PFDN4: variants seen among roughly 807,000 people sequenced by gnomAD.
PFDN4 encodes the protein prefoldin 4.
In PFDN4, 6 loss-of-function variants were observed where a neutral mutation model predicts 17.6. The observed-to-expected ratio is 0.34, with a 90% CI of 0.19 to 0.67. The LOEUF is 0.67. Among genes scored for constraint, PFDN4 ranks in the 30% least tolerant of loss-of-function variants. The probability of loss-of-function intolerance (pLI) is 0.68; values close to 1 mark genes in which losing one functional copy is unlikely to be tolerated. For synonymous variants in PFDN4, 48 were observed against 51.1 expected (o/e 0.94, Z 0.26); for missense variants, 119 against 158.4 (o/e 0.75, Z 1.33).
chr20:54,213,409 T>TCA (rs1200435456), intron 1 of PFDN4, among the ~76,000 whole-genome samples: 2 of 151,664 alleles, frequency 1.3e-5, no homozygotes, highest in Non-Finnish European at 2.9e-5. Context: ...GTGTACACAC[T>TCA]CACACACACA....
chr20:54,210,203 G>A (rs1035969420), intron 1 of PFDN4, among the ~76,000 whole-genome samples: 1 of 152,212 alleles, frequency 6.6e-6, no homozygotes, highest in African/African-American at 2.4e-5. Context: ...TTTGAGCCAT[G>A]ATGGGAAAAG....
At chr20:54,208,185 C>T (rs1414290277) in intron 1 of PFDN4, 61 bp downstream of exon 1, 15 of 1,457,140 alleles carry the variant, frequency 1.0e-5, no homozygotes, top group Admixed American at 2.3e-5. Flanking sequence ...CCGCTGGGGC[C>T]CGGGCGCGGG....
rs770490881 is a variant in PFDN4 at position 54,214,409 on chromosome 20, G to A, written c.83G>A (p.Arg28Gln). The A allele has an allele frequency of 3.1e-5, 50 of 1,588,220 alleles. No individual in the cohort carries two copies. The highest frequency in any genetic ancestry group is 2.1e-4 in the Middle Eastern group (1 of 4,778). Residue 28 changes from arginine (R) to glutamine (Q), a missense_variant, in exon 2 of 4, where the codon CGG becomes CAG. Arg to Gln is a conservative substitution (Grantham distance 43, BLOSUM62 1). Around this residue, in one of 3 missense-constraint regions of PFDN4, gnomAD observed 9 missense variants for 27.8 expected, o/e 0.32. Coordinates refer to ENST00000371419, the MANE Select transcript of PFDN4 (RefSeq NM_002623.4). ...EDQQKINKFARNTSRITELKE... is the reference protein window; with the variant it reads ...EDQQKINKFAQNTSRITELKE... The stretch of plus-strand genomic sequence containing the variant: ...CAACAAAAGATAAACAAATTTGCAC[G>A]GAATACAAGTAGAATCACAGAGCTG...
chr20:54,211,958 C>T (rs913729956), intron 1 of PFDN4, among the ~76,000 whole-genome samples: 5 of 152,136 alleles, frequency 3.3e-5, no homozygotes, highest in East Asian at 1.9e-4. Context: ...TTTGGGAGGC[C>T]GAGGCTGGTG....
In PFDN4 at chr20:54,208,090, C is replaced by T. The variant is rs756319326; in HGVS notation, c.-11C>T. On this transcript the variant is annotated 5_prime_UTR_variant, in exon 1 of 4. Transcript: ENST00000371419. Reference sequence around the variant, plus strand: ...GGCCCTCCCCGCCGCCTGCGGTAGTCCAGTCCCAAGATGGCGGCCACCATG... The same window carrying T: ...GGCCCTCCCCGCCGCCTGCGGTAGTTCAGTCCCAAGATGGCGGCCACCATG... 3.2e-6 allele frequency: 5 copies of T among 1,552,682 alleles called. No homozygotes were observed. In the Admixed American group the frequency reaches 9.6e-5, roughly 30 times the overall value.
intron 1 of PFDN4, among the ~76,000 whole-genome samples, chr20:54,213,342 C>T (rs1203480815): frequency 6.6e-6 from 1 of 152,172 alleles, no homozygotes; most frequent in East Asian, 1.9e-4. Flanking sequence ...ATGGTACCTC[C>T]TTGAGAATCT....
At position 54,215,397 on chromosome 20, in the gene PFDN4, G is replaced by A. The variant is rs1568676832; in HGVS notation, c.230G>A (p.Ser77Asn). The change falls in exon 3 of 4, where the codon AGC becomes AAC. Residue 77 changes from serine to asparagine, a missense_variant. Physicochemically the swap from Ser to Asn is conservative, Grantham distance 46. This residue lies in a region of PFDN4 where 81 missense variants were observed against 111.7 expected (regional missense o/e 0.73). Coordinates refer to ENST00000371419, the MANE Select transcript of PFDN4 (RefSeq NM_002623.4). ...TATCAAATTGGTGATGTCTTCATTA[G>A]CCATTCTCAAGAAGAAACGCAAGAA... ...IPYQIGDVFISHSQEETQEML... is the reference protein window; with the variant it reads ...IPYQIGDVFINHSQEETQEML... 1 of 1,604,776 alleles carries A rather than the reference G, an allele frequency of 6.2e-7. No homozygotes were observed. The highest frequency in any genetic ancestry group is 2.2e-5 in the East Asian group (1 of 44,716).
chr20:54,211,484 A>T (rs2092755762), intron 1 of PFDN4, among the ~76,000 whole-genome samples: 1 of 152,228 alleles, frequency 6.6e-6, no homozygotes, highest in Non-Finnish European at 1.5e-5. Context: ...TGACTCCATC[A>T]TCAGGCTTTC....
chr20:54,208,182 G>A (rs1601171990), intron 1 of PFDN4, 58 bp downstream of exon 1: 1 of 1,467,048 alleles, frequency 6.8e-7, no homozygotes, highest in African/African-American at 1.5e-5. Flanking sequence ...CGGCCGCTGG[G>A]GCCCGGGCGC....
Position 54,219,280 on chromosome 20 carries a change from T to C in PFDN4, c.*130T>C, listed in dbSNP as rs907444298. 23 of 574,206 alleles carry C rather than the reference T, an allele frequency of 4.0e-5. No homozygotes were observed. In the African/African-American group the frequency reaches 4.3e-4, roughly 11 times the overall value. The allele number at this position is 574,206 out of a possible 1,614,324, so 35.6% of individuals were successfully genotyped here. A position where few individuals can be genotyped will look rare whatever the true frequency, so the allele number is the denominator to read the frequency against. On this transcript the variant is annotated 3_prime_UTR_variant, in exon 4 of 4. Coordinates refer to ENST00000371419, the MANE Select transcript of PFDN4 (RefSeq NM_002623.4). The stretch of plus-strand genomic sequence containing the variant: ...AAATTTTCATTTATTTAATGGAAAC[T>C]TGCCCATTTTCACATGTCTGCTTAT...
rs1370138464 is a variant in PFDN4, at chr20:54,219,061, G to A, written c.316G>A (p.Glu106Lys). ...EEIDALESRV[E>K]SIQRVLADLK... ...AATTGACGCCTTAGAATCCAGAGTG[G>A]AATCAATTCAGCGAGTGTTAGCAGA... Residue 106 changes from glutamate to lysine, a missense_variant, in exon 4 of 4, where the codon GAA becomes AAA. Coordinates refer to ENST00000371419, the MANE Select transcript of PFDN4 (RefSeq NM_002623.4). The A allele has an allele frequency of 5.7e-6, 9 of 1,583,444 alleles. No individual in the cohort carries two copies. The highest frequency in any genetic ancestry group is 7.7e-6 in the Non-Finnish European group (9 of 1,162,788).
At chr20:54,211,674 A>G (rs1477868383) in intron 1 of PFDN4, among the ~76,000 whole-genome samples, 2 of 152,158 alleles carry the variant, frequency 1.3e-5, no homozygotes, top group Non-Finnish European at 2.9e-5. Flanking sequence ...ACTATAGGAT[A>G]TGAGTTCTTC....
intron 1 of PFDN4, among the ~76,000 whole-genome samples, chr20:54,212,588 T>C (rs767951998): frequency 6.6e-6 from 1 of 152,258 alleles, no homozygotes; most frequent in Non-Finnish European, 1.5e-5. Flanking sequence ...TCAGAAACCA[T>C]GTATTAGCCT....
At chr20:54,211,781 T>A (rs76732107) in intron 1 of PFDN4, among the ~76,000 whole-genome samples, 3,971 of 152,300 alleles carry the variant, frequency 0.026, 88 homozygotes, top group Non-Finnish European at 0.038. Flanking sequence ...GAGAATCTGG[T>A]GAAAGCTATG....
chr20:54,211,294 A>T (rs920533151), intron 1 of PFDN4, among the ~76,000 whole-genome samples: 3 of 152,148 alleles, frequency 2.0e-5, no homozygotes, highest in Admixed American at 2.0e-4. Flanking sequence ...TCCTCCTCTA[A>T]TCCCGTAAGA....
rs6013929 is a variant in PFDN4 at position 54,214,005 on chromosome 20, T to C, written c.25-346T>C. Reference sequence around the variant, plus strand: ...ATATTTGACCATGTAACTTTTTGTTTCCTGGGTCATCTTAATGAAAGAATG... The same window carrying C: ...ATATTTGACCATGTAACTTTTTGTTCCCTGGGTCATCTTAATGAAAGAATG... On this transcript the variant is annotated intron_variant, in intron 1 of 3. Transcript: ENST00000371419. 6.0e-3 allele frequency among the ~76,000 whole-genome samples: 920 copies of C among 152,336 alleles called. 7 individuals are homozygous for C. Among genetic ancestry groups the C allele is most frequent in the Admixed American group, 8.9e-3 (136 of 15,302 alleles).
chr20:54,218,142 T>A (rs2092765073), intron 3 of PFDN4, among the ~76,000 whole-genome samples: 1 of 151,540 alleles, frequency 6.6e-6, no homozygotes, highest in South Asian at 2.1e-4. Context: ...GGAAAAAAAA[T>A]TGTTTTGATC....
chr20:54,209,880 C>G (rs1417058169), intron 1 of PFDN4, among the ~76,000 whole-genome samples: 3 of 152,178 alleles, frequency 2.0e-5, no homozygotes, highest in Admixed American at 6.5e-5. Context: ...TCCCCTTAAT[C>G]TCATAGCCCC....
rs912359431 is a variant in PFDN4 at position 54,212,664 on chromosome 20, A to C, written c.25-1687A>C. The stretch of plus-strand genomic sequence containing the variant: ...TGAATGGCTCTGTTGAGCCCTCACC[A>C]AGACAAATACATCTATAAATGCCTG... On this transcript the variant is annotated intron_variant, in intron 1 of 3. Coordinates refer to ENST00000371419, the MANE Select transcript of PFDN4 (RefSeq NM_002623.4). 3.3e-5 allele frequency among the ~76,000 whole-genome samples: 5 copies of C among 152,380 alleles called. 1 individual carries two copies.
Sources: allele counts gnomAD v4.1 joint callset (sites outside exome capture counted in the v4.1 genomes callset), GRCh38; gene constraint gnomAD v4.1.1; regional missense constraint gnomAD v4.1.1; transcripts MANE v1.5; gene names NCBI Gene and HGNC (gene_info 2026-07-23, HGNC 2026-07-21).